The following GABBR2 variants were observed in gnomAD, a reference collection of about 807,000 sequenced individuals.
GABBR2 encodes the protein gamma-aminobutyric acid type B receptor subunit 2.
Under a neutral mutation model 105.6 loss-of-function variants are expected in GABBR2, and 23 were observed. The observed-to-expected ratio is 0.22, with a 90% CI of 0.16 to 0.31. The LOEUF (loss-of-function observed/expected upper bound fraction) is 0.31. Ranked by LOEUF, GABBR2 falls within the 10% of genes least tolerant of loss-of-function variation. The pLI is 1.00. For missense variants in GABBR2, 734 were observed against 1,245.5 expected, an observed-to-expected ratio of 0.59 and a Z score of 6.18; for synonymous variants, 478 against 499.7, an observed-to-expected ratio of 0.96 and a Z score of 0.58.
At chr9:98,611,137 G>A (rs1183309982) in intron 1 of GABBR2, among the ~76,000 whole-genome samples, 1 of 152,008 alleles carries the variant, frequency 6.6e-6, no homozygotes, top group African/African-American at 2.4e-5. Context: ...CTCCCAACTG[G>A]GCTACTTCCA....
chr9:98,608,010 T>A, intron 1 of GABBR2: 1 of 1,287,150 alleles, frequency 7.8e-7, no homozygotes, highest in South Asian at 1.3e-5. Flanking sequence ...GCATAAACAA[T>A]TAGAGGAAAA....
intron 2 of GABBR2, among the ~76,000 whole-genome samples, chr9:98,569,690 ACTT>A (rs1828799977): frequency 6.6e-6 from 1 of 152,138 alleles, no homozygotes; most frequent in Non-Finnish European, 1.5e-5. Context: ...TTACTGTGAG[ACTT>A]TGGCAAGGCC....
chr9:98,653,238 A>G (rs1396123065), intron 1 of GABBR2, among the ~76,000 whole-genome samples: 1 of 152,186 alleles, frequency 6.6e-6, no homozygotes, highest in Admixed American at 6.5e-5. Context: ...GCCTCAAGTG[A>G]TCCTCACACC....
intron 11 of GABBR2, among the ~76,000 whole-genome samples, chr9:98,377,858 GC>G (rs1158402045): frequency 2.0e-5 from 3 of 152,166 alleles, no homozygotes; most frequent in Admixed American, 6.5e-5. Flanking sequence ...CCCTGTGACA[GC>G]CAGTCCCTGT....
intron 14 of GABBR2, among the ~76,000 whole-genome samples, chr9:98,307,647 G>C (rs1007319420): frequency 6.6e-6 from 1 of 152,156 alleles, no homozygotes; most frequent in East Asian, 1.9e-4. Flanking sequence ...TGTTGGCTGG[G>C]TGACCTGGGC....
chr9:98,392,763 T>C (rs113797504), intron 9 of GABBR2, among the ~76,000 whole-genome samples: 2,684 of 152,286 alleles, frequency 0.018, 38 homozygotes, highest in African/African-American at 0.032. Context: ...GCTTTCTCTA[T>C]TGCTATTAAG....
chr9:98,463,158 G>A (rs1031464648), intron 6 of GABBR2, among the ~76,000 whole-genome samples: 2 of 152,132 alleles, frequency 1.3e-5, no homozygotes, highest in African/African-American at 4.8e-5. Context: ...CCAAGTGCTG[G>A]GATTACAAGT....
chr9:98,405,781 C>A (rs777135312), intron 8 of GABBR2, among the ~76,000 whole-genome samples: 1 of 152,200 alleles, frequency 6.6e-6, no homozygotes, highest in Non-Finnish European at 1.5e-5. Flanking sequence ...AAAAAAAAGT[C>A]TGTATGTATT....
At position 98,366,862 on chromosome 9, in the gene GABBR2, C is replaced by T. The variant is rs373250688; in HGVS notation, c.1771-4025G>A. Among the ~76,000 whole-genome samples, 6 of 152,318 alleles carry T rather than the reference C, an allele frequency of 3.9e-5. No homozygotes were observed. In the South Asian group the frequency reaches 8.3e-4, roughly 21 times the overall value. ...AGAACCCAGTCATATTTGTAGTGAA[C>T]TTCCATTGTCCTCAAAAAGCATCTG... On this transcript the variant is annotated intron_variant, in intron 12 of 18. Transcript: ENST00000259455.
At chr9:98,333,472 T>C (rs1831062487) in intron 13 of GABBR2, among the ~76,000 whole-genome samples, 1 of 152,114 alleles carries the variant, frequency 6.6e-6, no homozygotes, top group Admixed American at 6.5e-5. Context: ...CCATGTCTTC[T>C]CCAGCTCCCG....
intron 1 of GABBR2, among the ~76,000 whole-genome samples, chr9:98,667,533 G>A (rs1020384358): frequency 6.6e-6 from 1 of 152,086 alleles, no homozygotes; most frequent in Non-Finnish European, 1.5e-5. Flanking sequence ...TTTGACATAG[G>A]GGTAGGAAGA....
intron 7 of GABBR2, among the ~76,000 whole-genome samples, chr9:98,434,790 C>T (rs1490107970): frequency 6.6e-6 from 1 of 152,140 alleles, no homozygotes; most frequent in Admixed American, 6.5e-5. Flanking sequence ...CAAGTGGCTG[C>T]GGGCATGGAG....
At chr9:98,414,949 C>T (rs542934670) in intron 7 of GABBR2, among the ~76,000 whole-genome samples, 3 of 152,224 alleles carry the variant, frequency 2.0e-5, no homozygotes, top group African/African-American at 4.8e-5. Flanking sequence ...GGCTAACAAC[C>T]AGAAGGACCC....
At chr9:98,517,119 A>G (rs897706207) in intron 3 of GABBR2, among the ~76,000 whole-genome samples, 2 of 152,180 alleles carry the variant, frequency 1.3e-5, no homozygotes, top group African/African-American at 4.8e-5. Flanking sequence ...CCTTGAATAA[A>G]GGAGGCAGCC....
chr9:98,300,448 TC>T (rs1412061644), intron 16 of GABBR2, among the ~76,000 whole-genome samples: 1 of 152,106 alleles, frequency 6.6e-6, no homozygotes, highest in Admixed American at 6.5e-5. Context: ...CCTGGCCCAT[TC>T]CCAGGTTATA....
At position 98,373,451 on chromosome 9, in the gene GABBR2, C is replaced by G. The variant is rs544819176; in HGVS notation, c.1663-1880G>C. Among the ~76,000 whole-genome samples the G allele has an allele frequency of 1.1e-4, 16 of 152,286 alleles. 1 individual carries two copies. The highest frequency in any genetic ancestry group is 3.6e-4 in the African/African-American group (15 of 41,560). The stretch of plus-strand genomic sequence containing the variant: ...CAGCTCCAGAGCTAAGCCTGGAACT[C>G]GATGCTTTGACCCGGTCCAGGCCTC... On this transcript the variant is annotated intron_variant, in intron 11 of 18. Coordinates refer to ENST00000259455, the MANE Select transcript of GABBR2 (RefSeq NM_005458.8).
intron 7 of GABBR2, among the ~76,000 whole-genome samples, chr9:98,448,869 A>G (rs1168231946): frequency 6.6e-6 from 1 of 151,970 alleles, no homozygotes; most frequent in Non-Finnish European, 1.5e-5. Flanking sequence ...GTCGACCTTG[A>G]GATCTGGGAG....
chr9:98,439,751 T>C lies in GABBR2; in HGVS notation c.1236+14230A>G, dbSNP rs988418969. ...GGGACCCACCAACCACAGAATCCCATGGAAAATTAATTATAGGTGTTTGAG... is the reference window on the plus strand; with the variant it reads ...GGGACCCACCAACCACAGAATCCCACGGAAAATTAATTATAGGTGTTTGAG... On this transcript the variant is annotated intron_variant, in intron 7 of 18. Coordinates refer to ENST00000259455, the MANE Select transcript of GABBR2 (RefSeq NM_005458.8). Among the ~76,000 whole-genome samples, 9 of 152,244 alleles carry C rather than the reference T, an allele frequency of 5.9e-5. 1 individual carries two copies. The Middle Eastern group carries it at 0.01, about 173-fold the overall frequency.
At chr9:98,621,179 G>C (rs901343670) in intron 1 of GABBR2, among the ~76,000 whole-genome samples, 7 of 152,122 alleles carry the variant, frequency 4.6e-5, no homozygotes, top group Non-Finnish European at 1.0e-4. Context: ...TGGGCCACGT[G>C]GGGACAATTA....
Sources: allele counts gnomAD v4.1 joint callset (sites outside exome capture counted in the v4.1 genomes callset), GRCh38; gene constraint gnomAD v4.1.1; transcripts MANE v1.5; gene names NCBI Gene and HGNC (gene_info 2026-07-23, HGNC 2026-07-21).